GHR: variants seen among roughly 807,000 people sequenced by gnomAD.
GHR encodes growth hormone receptor.
GHR carries 35 observed loss-of-function variants against 67.1 expected under a neutral mutation model. The ratio of observed to expected loss-of-function variants is 0.52; its 90% CI spans 0.40 to 0.69. GHR has a LOEUF of 0.69. Among genes scored for constraint, GHR ranks in the 30% least tolerant of loss-of-function variants. The pLI is 0.00. For synonymous variants in GHR, 272 were observed against 269.1 expected, an observed-to-expected ratio of 1.01 and a Z score of -0.10; for missense variants, 792 against 764.6, an observed-to-expected ratio of 1.04 and a Z score of -0.42.
intron 8 of GHR, among the ~76,000 whole-genome samples, chr5:42,714,604 T>G (rs990908591): frequency 1.3e-5 from 2 of 152,192 alleles, no homozygotes; most frequent in African/African-American, 4.8e-5. Flanking sequence ...TTATTTTCAG[T>G]AGAGCTTCAT....
At chr5:42,708,691 C>T (rs1360853822) in intron 6 of GHR, among the ~76,000 whole-genome samples, 1 of 152,164 alleles carries the variant, frequency 6.6e-6, no homozygotes, top group Admixed American at 6.5e-5. Context: ...CAGTTACCAT[C>T]ATTTCATCCC....
intron 6 of GHR, among the ~76,000 whole-genome samples, chr5:42,710,620 G>A (rs1375444188): frequency 6.6e-6 from 1 of 151,916 alleles, no homozygotes; most frequent in East Asian, 1.9e-4. Context: ...ATTTTATGGT[G>A]GCTTTAAGCC....
At chr5:42,532,680 T>A (rs1353556372) in intron 1 of GHR, among the ~76,000 whole-genome samples, 1 of 152,180 alleles carries the variant, frequency 6.6e-6, no homozygotes, top group Non-Finnish European at 1.5e-5. Context: ...AATATACATG[T>A]TTTACTGTAA....
At chr5:42,684,498 T>C (rs991666378) in intron 3 of GHR, among the ~76,000 whole-genome samples, 4 of 152,218 alleles carry the variant, frequency 2.6e-5, no homozygotes, top group African/African-American at 9.6e-5. Context: ...TTTCAGTGCT[T>C]CAACTAATAG....
chr5:42,654,635 CA>C (rs1293635704), intron 3 of GHR, among the ~76,000 whole-genome samples: 1 of 151,982 alleles, frequency 6.6e-6, no homozygotes, highest in African/African-American at 2.4e-5. Flanking sequence ...AGTTGAGACC[CA>C]AAAAGATATA....
intron 1 of GHR, chr5:42,565,460 G>T (rs755511202): frequency 3.9e-5 from 38 of 984,810 alleles, no homozygotes; most frequent in Non-Finnish European, 4.0e-5. Flanking sequence ...TCCTTTTATG[G>T]CCTGTCCAGC....
chr5:42,554,377 G>A (rs190111525), intron 1 of GHR, among the ~76,000 whole-genome samples: 5 of 152,182 alleles, frequency 3.3e-5, no homozygotes, highest in Non-Finnish European at 7.4e-5. Context: ...ATTGTATGTA[G>A]AGTTCAGTGC....
intron 1 of GHR, among the ~76,000 whole-genome samples, chr5:42,517,914 T>C (rs771048466): frequency 2.6e-4 from 39 of 152,084 alleles, no homozygotes; most frequent in Non-Finnish European, 4.9e-4. Context: ...CCAAATGAGG[T>C]CTTGTTTCCT....
At chr5:42,673,198 CCA>C (rs2112910343) in intron 3 of GHR, among the ~76,000 whole-genome samples, 1 of 152,134 alleles carries the variant, frequency 6.6e-6, no homozygotes, top group East Asian at 1.9e-4. Flanking sequence ...CAAATCAAAA[CCA>C]CAATAATATG....
intron 1 of GHR, among the ~76,000 whole-genome samples, chr5:42,433,893 G>A (rs2111912549): frequency 6.6e-6 from 1 of 151,942 alleles, no homozygotes; most frequent in Non-Finnish European, 1.5e-5. Flanking sequence ...GTTATCCGTT[G>A]GAAGCTCTTC....
At chr5:42,586,161 GAT>G (rs1175281620) in intron 2 of GHR, among the ~76,000 whole-genome samples, 1 of 152,090 alleles carries the variant, frequency 6.6e-6, no homozygotes, top group African/African-American at 2.4e-5. Context: ...GTGGGATTCA[GAT>G]ATATGTTTTC....
intron 2 of GHR, among the ~76,000 whole-genome samples, chr5:42,586,127 A>G (rs921723628): frequency 6.6e-6 from 1 of 152,228 alleles, no homozygotes; most frequent in Admixed American, 6.5e-5. Context: ...CTAAAGAAAG[A>G]GAACCCAGAA....
At chr5:42,600,173 A>T (rs936404148) in intron 2 of GHR, among the ~76,000 whole-genome samples, 1 of 152,234 alleles carries the variant, frequency 6.6e-6, no homozygotes, top group Non-Finnish European at 1.5e-5. Context: ...ACCAGCTAGC[A>T]TGGAAGTACT....
chr5:42,559,167 A>C (rs560597999), intron 1 of GHR, among the ~76,000 whole-genome samples: 3 of 152,338 alleles, frequency 2.0e-5, no homozygotes, highest in Non-Finnish European at 2.9e-5. Context: ...GCCACATTTT[A>C]AGTGCTCAAT....
At chr5:42,465,146 G>C (rs977099927) in intron 1 of GHR, among the ~76,000 whole-genome samples, 2 of 152,182 alleles carry the variant, frequency 1.3e-5, no homozygotes, top group African/African-American at 4.8e-5. Flanking sequence ...ATGAAAAGCA[G>C]AGGGGTCCCA....
Position 42,468,260 on chromosome 5 carries a change from C to T in GHR, c.-12+44305C>T, listed in dbSNP as rs1470202222. On this transcript the variant is annotated intron_variant, in intron 1 of 9. Transcript: ENST00000230882. Reference sequence around the variant, plus strand: ...GGGAAGTTTTCTTCTTCCTCCTCCTCCTTTTTCACCTTCACTGGGCGGCAT... The same window carrying T: ...GGGAAGTTTTCTTCTTCCTCCTCCTTCTTTTTCACCTTCACTGGGCGGCAT... 1.8e-5 allele frequency: 28 copies of T among 1,557,482 alleles called. No individual in the cohort carries two copies. In the South Asian group the frequency reaches 2.7e-4, roughly 15 times the overall value.
At chr5:42,639,406 T>C (rs1033921289) in intron 3 of GHR, among the ~76,000 whole-genome samples, 1 of 152,200 alleles carries the variant, frequency 6.6e-6, no homozygotes, top group Admixed American at 6.5e-5. Context: ...CTTGACATAT[T>C]CTCAAATGTC....
intron 1 of GHR, among the ~76,000 whole-genome samples, chr5:42,496,359 G>A (rs942695014): frequency 4.6e-5 from 7 of 152,112 alleles, no homozygotes; most frequent in East Asian, 3.9e-4. Context: ...TTAGGAGAAG[G>A]TTTAGCAAAT....
chr5:42,685,981 A>T (rs968971866), intron 3 of GHR, among the ~76,000 whole-genome samples: 1 of 151,926 alleles, frequency 6.6e-6, no homozygotes, highest in Non-Finnish European at 1.5e-5. Flanking sequence ...TTTTGTTGCT[A>T]TTGCTTTTGG....
Sources: allele counts gnomAD v4.1 joint callset (sites outside exome capture counted in the v4.1 genomes callset), GRCh38; gene constraint gnomAD v4.1.1; transcripts MANE v1.5; gene names NCBI Gene and HGNC (gene_info 2026-07-23, HGNC 2026-07-21).